PCCB: variants seen among roughly 807,000 people sequenced by gnomAD.
PCCB encodes propionyl-CoA carboxylase subunit beta.
A neutral mutation model predicts 60.7 loss-of-function variants in PCCB; 43 were observed. The observed-to-expected ratio is 0.71, with a 90% CI of 0.55 to 0.91. PCCB has a LOEUF of 0.91. Among genes scored for constraint, PCCB ranks in the 40% least tolerant of loss-of-function variants. The pLI, the probability that PCCB is intolerant of heterozygous loss-of-function variation, is 0.00. For missense variants in PCCB, 766 were observed against 702.8 expected, an observed-to-expected ratio of 1.09 and a Z score of -1.02; for synonymous variants, 276 against 255.9, an observed-to-expected ratio of 1.08 and a Z score of -0.75.
rs757860152 is a variant in PCCB at position 136,250,406 on chromosome 3, G to A, written c.31G>A (p.Gly11Arg). 26 of 1,547,508 alleles carry A rather than the reference G, an allele frequency of 1.7e-5. No homozygotes were observed. The highest frequency in any genetic ancestry group is 2.3e-5 in the Non-Finnish European group (26 of 1,144,186). Reference sequence around the variant, plus strand: ...GGCGGCATTACGGGTGGCGGCGGTCGGGGCAAGGCTCAGCGTTCTGGCGAG... The same window carrying A: ...GGCGGCATTACGGGTGGCGGCGGTCAGGGCAAGGCTCAGCGTTCTGGCGAG... MAAALRVAAVGARLSVLASGL... is the reference protein window; with the variant it reads MAAALRVAAVRARLSVLASGL... The change falls in exon 1 of 15, where the codon GGG becomes AGG. Residue 11 changes from glycine to arginine, a missense_variant. By Grantham distance (125) the Gly-to-Arg change is moderately radical. Transcript: ENST00000251654.
chr3:136,285,938 A>T (rs1168781122), intron 6 of PCCB, among the ~76,000 whole-genome samples: 1 of 152,212 alleles, frequency 6.6e-6, no homozygotes, highest in African/African-American at 2.4e-5. Flanking sequence ...GAAAATACTA[A>T]GTCTTTTTTA....
At chr3:136,270,357 G>C (rs1942161682) in intron 5 of PCCB, among the ~76,000 whole-genome samples, 1 of 152,168 alleles carries the variant, frequency 6.6e-6, no homozygotes, top group African/African-American at 2.4e-5. Context: ...TGGTATTACA[G>C]TAATTCTCAC....
intron 6 of PCCB, among the ~76,000 whole-genome samples, chr3:136,288,347 A>T (rs947458399): frequency 1.3e-5 from 2 of 151,004 alleles, no homozygotes; most frequent in Non-Finnish European, 3.0e-5. Flanking sequence ...GTTTTTTATT[A>T]TTTTTTTTTA....
At chr3:136,262,183 T>C (rs1315284805) in intron 5 of PCCB, 118 bp downstream of exon 5, 1 of 733,738 alleles carries the variant, frequency 1.4e-6, no homozygotes, top group East Asian at 2.7e-5. Context: ...GTCTGTTCTG[T>C]GGGTCCTTTC....
At chr3:136,263,361 G>T (rs890412743) in intron 5 of PCCB, among the ~76,000 whole-genome samples, 2 of 151,604 alleles carry the variant, frequency 1.3e-5, no homozygotes, top group African/African-American at 4.9e-5. Flanking sequence ...AGCCTCCTGG[G>T]CTCAAGCGAT....
chr3:136,281,978 T>C (rs1942488091), intron 5 of PCCB, among the ~76,000 whole-genome samples: 1 of 152,192 alleles, frequency 6.6e-6, no homozygotes, highest in Admixed American at 6.5e-5. Flanking sequence ...TTTAAATCCC[T>C]TGTGGCTGGG....
In PCCB at chr3:136,317,184, A is replaced by G. The variant is rs550767110; in HGVS notation, c.1090+120A>G. Reference sequence around the variant, plus strand: ...ACATGGCCTTCCATGACCAGAGGAAAAAATCTAAATGGTTGTTATAAAAGC... The same window carrying G: ...ACATGGCCTTCCATGACCAGAGGAAGAAATCTAAATGGTTGTTATAAAAGC... On this transcript the variant is annotated intron_variant, in intron 10 of 14. Transcript: ENST00000251654. The G allele has an allele frequency of 3.5e-4, 327 of 938,066 alleles. 1 individual carries two copies. Among genetic ancestry groups the G allele is most frequent in the Middle Eastern group, 4.5e-4 (2 of 4,494 alleles). The allele number at this position is 938,066 out of a possible 1,614,324, so 58.1% of individuals were successfully genotyped here. A position where few individuals can be genotyped will look rare whatever the true frequency, so the allele number is the denominator to read the frequency against.
At chr3:136,267,395 A>G (rs1363601089) in intron 5 of PCCB, among the ~76,000 whole-genome samples, 4 of 152,094 alleles carry the variant, frequency 2.6e-5, no homozygotes, top group African/African-American at 9.6e-5. Context: ...GGGTCTTACT[A>G]CATTGCCCAG....
At chr3:136,308,390 A>G (rs1336241914) in intron 9 of PCCB, among the ~76,000 whole-genome samples, 1 of 152,098 alleles carries the variant, frequency 6.6e-6, no homozygotes, top group Non-Finnish European at 1.5e-5. Flanking sequence ...TAAAAGCCAT[A>G]GTTCACAATG....
chr3:136,278,264 C>T (rs6765839), intron 5 of PCCB, among the ~76,000 whole-genome samples: 1,705 of 152,276 alleles, frequency 0.011, 21 homozygotes, highest in African/African-American at 0.039. Context: ...CTGAAAGCAG[C>T]TTCTCTCTAT....
intron 1 of PCCB, among the ~76,000 whole-genome samples, chr3:136,251,443 G>C (rs1941513471): frequency 6.6e-6 from 1 of 152,170 alleles, no homozygotes; most frequent in African/African-American, 2.4e-5. Context: ...ACAACCATGA[G>C]GGAGGCACTG....
intron 5 of PCCB, among the ~76,000 whole-genome samples, chr3:136,281,078 A>G (rs1346450199): frequency 6.6e-6 from 1 of 152,122 alleles, no homozygotes; most frequent in East Asian, 1.9e-4. Flanking sequence ...GTGTTTTGAC[A>G]GTTTGACTAT....
rs866035964 is a variant in PCCB at position 136,259,792 on chromosome 3, G to A, written c.373-687G>A. Among the ~76,000 whole-genome samples the A allele has an allele frequency of 2.6e-5, 4 of 151,898 alleles. No individual in the cohort carries two copies. The South Asian group carries it at 8.3e-4, about 32-fold the overall frequency. On this transcript the variant is annotated intron_variant, in intron 3 of 14. Coordinates refer to ENST00000251654, the MANE Select transcript of PCCB (RefSeq NM_000532.5). ...TTTAAATACAGAGTCTCGCTCTGTCGCCCAGGCTGGAGTGCACTGGAGCAA... is the reference window on the plus strand; with the variant it reads ...TTTAAATACAGAGTCTCGCTCTGTCACCCAGGCTGGAGTGCACTGGAGCAA...
At chr3:136,264,637 G>A (rs1941929341) in intron 5 of PCCB, among the ~76,000 whole-genome samples, 2 of 151,760 alleles carry the variant, frequency 1.3e-5, no homozygotes, top group Admixed American at 6.6e-5. Context: ...ACTTTGGGAG[G>A]CCGAGGCAGG....
intron 9 of PCCB, among the ~76,000 whole-genome samples, chr3:136,309,357 ATAATT>A (rs561543289): frequency 1.8e-4 from 27 of 152,172 alleles, no homozygotes; most frequent in Non-Finnish European, 3.1e-4. Flanking sequence ...AATCCAAGAA[ATAATT>A]TAATAAGGAT....
chr3:136,321,626 C>T (rs1935113764), intron 10 of PCCB, among the ~76,000 whole-genome samples: 1 of 152,186 alleles, frequency 6.6e-6, no homozygotes, highest in South Asian at 2.1e-4. Context: ...CCCCATGATC[C>T]AGTCACCTCC....
intron 5 of PCCB, among the ~76,000 whole-genome samples, chr3:136,270,354 A>G (rs1219967060): frequency 6.6e-6 from 1 of 152,170 alleles, no homozygotes; most frequent in Non-Finnish European, 1.5e-5. Flanking sequence ...TTTTGGTATT[A>G]CAGTAATTCT....
chr3:136,323,957 G>T (rs534851598), intron 10 of PCCB, among the ~76,000 whole-genome samples: 3 of 149,342 alleles, frequency 2.0e-5, no homozygotes, highest in Non-Finnish European at 3.0e-5. Flanking sequence ...ATGTGGTAAC[G>T]CTGGCAGTCA....
At chr3:136,260,872 G>A (rs539769516) in intron 4 of PCCB, among the ~76,000 whole-genome samples, 3 of 152,244 alleles carry the variant, frequency 2.0e-5, no homozygotes, top group African/African-American at 7.2e-5. Context: ...AGTAACTACC[G>A]TAATTTCAAA....
Sources: allele counts gnomAD v4.1 joint callset (sites outside exome capture counted in the v4.1 genomes callset), GRCh38; gene constraint gnomAD v4.1.1; transcripts MANE v1.5; gene names NCBI Gene and HGNC (gene_info 2026-07-23, HGNC 2026-07-21).